Variants in ELAPOR1 observed in about 807,000 individuals in gnomAD.
The protein encoded by ELAPOR1 is endosome-lysosome associated apoptosis and autophagy regulator 1.
Under a neutral mutation model 119.7 loss-of-function variants are expected in ELAPOR1, and 77 were observed. The ratio of observed to expected loss-of-function variants is 0.64; its 90% CI spans 0.54 to 0.78. The LOEUF (loss-of-function observed/expected upper bound fraction) is 0.78. Ranked by LOEUF, ELAPOR1 falls within the 30% of genes least tolerant of loss-of-function variation. The probability of loss-of-function intolerance (pLI) is 0.00; values close to 1 mark genes in which losing one functional copy is unlikely to be tolerated. For synonymous variants in ELAPOR1, 481 were observed against 487.2 expected, an observed-to-expected ratio of 0.99 and a Z score of 0.17; for missense variants, 1,115 against 1,270.4, an observed-to-expected ratio of 0.88 and a Z score of 1.86.
chr1:109,186,816 C>T (rs1653079891), intron 8 of ELAPOR1: 29 of 985,520 alleles, frequency 2.9e-5, no homozygotes, highest in Non-Finnish European at 3.5e-5. Context: ...ACGCCAAGGC[C>T]TTCTGGGTCA....
chr1:109,189,467 T>G (rs1476542941), intron 10 of ELAPOR1, 125 bp from the exon 11 acceptor site: 4 of 889,686 alleles, frequency 4.5e-6, no homozygotes, highest in South Asian at 4.5e-5. Context: ...ACACGGTTCA[T>G]GTTCAGTGGT....
chr1:109,201,595 G>A (rs941614270), intron 21 of ELAPOR1, among the ~76,000 whole-genome samples: 2 of 152,176 alleles, frequency 1.3e-5, no homozygotes, highest in African/African-American at 2.4e-5. Context: ...TGGGGAGGGC[G>A]GAAAGAGGGA....
chr1:109,132,812 C>T (rs1228426963), intron 1 of ELAPOR1, among the ~76,000 whole-genome samples: 1 of 152,194 alleles, frequency 6.6e-6, no homozygotes, highest in Admixed American at 6.5e-5. Flanking sequence ...AGGATCAAAC[C>T]ATGAATGGTC....
In ELAPOR1 at chr1:109,192,851, G is replaced by A. The variant is rs753809821; in HGVS notation, c.1924G>A (p.Gly642Ser). 8.1e-6 allele frequency: 13 copies of A among 1,613,874 alleles called. 1 individual carries two copies. The South Asian group carries it at 9.9e-5, about 12-fold the overall frequency. The change falls in exon 14 of 22, where the codon GGT becomes AGT. Residue 642 changes from glycine (G) to serine (S), a missense_variant. Physicochemically the swap from Gly to Ser is moderately conservative, Grantham distance 56. Transcript: ENST00000369939. ...TGGTGTCCAGGCCTGTGTGCCCTGT[G>A]GTCCAGGGACCAAGAACAACAAGGT... ...PYGVQACVPCGPGTKNNKIHS... is the reference protein window; with the variant it reads ...PYGVQACVPCSPGTKNNKIHS...
intron 7 of ELAPOR1, among the ~76,000 whole-genome samples, chr1:109,176,941 G>T (rs1000417297): frequency 2.7e-4 from 40 of 145,674 alleles, no homozygotes; most frequent in Non-Finnish European, 8.9e-5. Flanking sequence ...CAGATCTACA[G>T]GATCCCAAGG....
chr1:109,139,105 C>T (rs1372427280), intron 1 of ELAPOR1, among the ~76,000 whole-genome samples: 2 of 151,996 alleles, frequency 1.3e-5, no homozygotes, highest in South Asian at 2.1e-4. Context: ...AATCCCAGCA[C>T]TTTGGGAGGC....
chr1:109,177,341 C>T (rs537105221), intron 7 of ELAPOR1, among the ~76,000 whole-genome samples: 139 of 86,358 alleles, frequency 1.6e-3, no homozygotes, highest in Middle Eastern at 0.019. Context: ...CTTCTCAGAC[C>T]GGGCGGCTGC....
At chr1:109,150,452 G>A (rs1650460899) in intron 1 of ELAPOR1, among the ~76,000 whole-genome samples, 1 of 152,198 alleles carries the variant, frequency 6.6e-6, no homozygotes, top group African/African-American at 2.4e-5. Flanking sequence ...CAGGACTGGG[G>A]TCCATTTGCT....
At chr1:109,198,966 A>G (rs1251252536) in intron 18 of ELAPOR1, among the ~76,000 whole-genome samples, 1 of 152,188 alleles carries the variant, frequency 6.6e-6, no homozygotes, top group Non-Finnish European at 1.5e-5. Context: ...TCCACTAACC[A>G]GCTATGTTAT....
intron 7 of ELAPOR1, among the ~76,000 whole-genome samples, chr1:109,182,728 A>T (rs1028349777): frequency 6.6e-6 from 1 of 151,940 alleles, no homozygotes; most frequent in Non-Finnish European, 1.5e-5. Flanking sequence ...TTAGCCAGGC[A>T]TGGTGGCGGG....
intron 7 of ELAPOR1, among the ~76,000 whole-genome samples, chr1:109,179,708 C>A (rs193234133): frequency 1.7e-3 from 255 of 152,022 alleles, no homozygotes; most frequent in African/African-American, 5.7e-3. Flanking sequence ...GAGTTGGAGA[C>A]CAGCCTGACC....
chr1:109,153,233 G>C (rs1220452117), intron 1 of ELAPOR1, among the ~76,000 whole-genome samples: 1 of 152,092 alleles, frequency 6.6e-6, no homozygotes, highest in Non-Finnish European at 1.5e-5. Flanking sequence ...AGGGATGTCT[G>C]TTTTCTCTTA....
At chr1:109,117,731 A>G (rs1388140994) in intron 1 of ELAPOR1, among the ~76,000 whole-genome samples, 1 of 152,226 alleles carries the variant, frequency 6.6e-6, no homozygotes, top group Non-Finnish European at 1.5e-5. Context: ...GGTAGGAAGA[A>G]CAGTTAAGTA....
chr1:109,136,542 A>G (rs1405311431), intron 1 of ELAPOR1, among the ~76,000 whole-genome samples: 1 of 152,210 alleles, frequency 6.6e-6, no homozygotes, highest in Admixed American at 6.5e-5. Flanking sequence ...TTGTTACAGC[A>G]GCCCTGAAAG....
At chr1:109,154,089 C>A (rs1650707414) in intron 1 of ELAPOR1, among the ~76,000 whole-genome samples, 2 of 151,410 alleles carry the variant, frequency 1.3e-5, no homozygotes, top group Non-Finnish European at 3.0e-5. Flanking sequence ...TGAGATCAGC[C>A]TGACCAACAT....
chr1:109,177,542 G>C (rs966609080), intron 7 of ELAPOR1, among the ~76,000 whole-genome samples: 1 of 144,720 alleles, frequency 6.9e-6, no homozygotes, highest in African/African-American at 2.7e-5. Flanking sequence ...ACGGGGTGGC[G>C]GCCGGGCAGA....
At chr1:109,149,291 G>A (rs1650380622) in intron 1 of ELAPOR1, among the ~76,000 whole-genome samples, 1 of 152,040 alleles carries the variant, frequency 6.6e-6, no homozygotes, top group African/African-American at 2.4e-5. Context: ...CTTCAGGCAG[G>A]GTTAGAGCAG....
chr1:109,173,857 G>C lies in ELAPOR1; in HGVS notation c.952+20G>C. On this transcript the variant is annotated intron_variant, in intron 7 of 21. Coordinates refer to ENST00000369939, the MANE Select transcript of ELAPOR1 (RefSeq NM_020775.5). ...ACTCAGGTGATGTTTCTGAGGGTGG[G>C]AAGAGTTTGGGGATAGAGAGTACCA... 1 of 1,612,840 alleles carries C rather than the reference G, an allele frequency of 6.2e-7. No homozygotes were observed. Among genetic ancestry groups the C allele is most frequent in the African/African-American group, 1.3e-5 (1 of 74,990 alleles).
rs1307255788 is a variant in ELAPOR1, at chr1:109,205,438, C to T, written c.*2426C>T. On this transcript the variant is annotated 3_prime_UTR_variant, in exon 22 of 22. Coordinates refer to ENST00000369939, the MANE Select transcript of ELAPOR1 (RefSeq NM_020775.5). ...TGGCCATCAACAGTGTTGGTGACGG[C>T]AGGGAGTCCCTTTGGTTTAATAAAT... 6.6e-6 allele frequency: 1 copy of T among 152,226 alleles called. No homozygotes were observed. The highest frequency in any genetic ancestry group is 6.5e-5 in the Admixed American group (1 of 15,286). 9.4% of individuals were successfully genotyped at this position (152,226 alleles called of 1,614,324 possible).
Sources: gnomAD v4.1 joint callset for allele counts (sites outside exome capture counted in the v4.1 genomes callset) on GRCh38, gnomAD v4.1.1 for gene constraint, MANE v1.5 for transcripts, NCBI Gene and HGNC (gene_info 2026-07-23, HGNC 2026-07-21) for gene names.